FAM149B1: variants seen among roughly 807,000 people sequenced by gnomAD.
FAM149B1 encodes primary cilium assembly protein FAM149B1.
FAM149B1 carries 56 observed loss-of-function variants against 75.3 expected under a neutral mutation model. That is an observed-to-expected ratio of 0.74 (90% CI 0.60 to 0.93). The LOEUF is 0.93. Among genes scored for constraint, FAM149B1 ranks in the 40% least tolerant of loss-of-function variants. The probability of loss-of-function intolerance (pLI) is 0.00; values close to 1 mark genes in which losing one functional copy is unlikely to be tolerated. For missense variants in FAM149B1, 639 were observed against 708.4 expected, an observed-to-expected ratio of 0.90 and a Z score of 1.11; for synonymous variants, 259 against 256.1, an observed-to-expected ratio of 1.01 and a Z score of -0.11.
At chr10:73,230,603 A>C in intron 9 of FAM149B1, 78 bp downstream of exon 9, 1 of 811,386 alleles carries the variant, frequency 1.2e-6, no homozygotes, top group Non-Finnish European at 2.1e-6. Flanking sequence ...ATCAGTATGC[A>C]TGTATTGAGT....
At chr10:73,194,512 C>T (rs939901177) in intron 5 of FAM149B1, among the ~76,000 whole-genome samples, 13 of 151,814 alleles carry the variant, frequency 8.6e-5, no homozygotes, top group Non-Finnish European at 1.5e-4. Flanking sequence ...TCTGCCTCAG[C>T]CTCCCGAGTA....
At chr10:73,234,681 T>C in intron 10 of FAM149B1, 136 bp from the exon 11 acceptor site, 1 of 953,700 alleles carries the variant, frequency 1.0e-6, no homozygotes, top group Non-Finnish European at 1.5e-6. Flanking sequence ...AGATCTCTAC[T>C]TGAAAACATA....
In FAM149B1 at chr10:73,239,522, C is replaced by G; in HGVS notation, c.1675+138C>G. 1.6e-6 allele frequency: 1 copy of G among 631,492 alleles called. No individual in the cohort carries two copies. The highest frequency in any genetic ancestry group is 3.2e-5 in the Admixed American group (1 of 31,456). The allele number at this position is 631,492 out of a possible 1,614,324, so 39.1% of individuals were successfully genotyped here. ...GTTTTCCCACATCTTTGTAAATCAC[C>G]TAAAATTCATTTTGGAACATGGGGT... On this transcript the variant is annotated intron_variant, in intron 13 of 13. Coordinates refer to ENST00000242505, the MANE Select transcript of FAM149B1 (RefSeq NM_173348.2).
At chr10:73,223,556 AG>A (rs2043466871) in intron 7 of FAM149B1, among the ~76,000 whole-genome samples, 1 of 152,314 alleles carries the variant, frequency 6.6e-6, no homozygotes, top group East Asian at 1.9e-4. Flanking sequence ...GCTAGGTCAG[AG>A]GATATGCTAT....
intron 7 of FAM149B1, among the ~76,000 whole-genome samples, chr10:73,225,058 G>GTGA (rs2043506045): frequency 6.6e-6 from 1 of 152,190 alleles, no homozygotes; most frequent in African/African-American, 2.4e-5. Context: ...TGTGTTTGTG[G>GTGA]TGATGCTGGT....
In FAM149B1 at chr10:73,177,867, A is replaced by G. The variant is rs1378152492; in HGVS notation, c.174A>G (p.Glu58=). The G allele has an allele frequency of 6.4e-7, 1 of 1,551,694 alleles. No homozygotes were observed. Among genetic ancestry groups the G allele is most frequent in the East Asian group, 2.4e-5 (1 of 40,900 alleles). Residue 58 remains glutamate, a synonymous_variant, in exon 3 of 14, where the codon GAA becomes GAG. Coordinates refer to ENST00000242505, the MANE Select transcript of FAM149B1 (RefSeq NM_173348.2). The part of the protein sequence containing the change: ...SSQSKSDITR[E]SSFTSADTGN... ...TTAGCAAGTCTGACATCACAAGAGA[A>G]TCATCTTTTACATCAGCCGACACTG...
chr10:73,236,633 C>T (rs1022808035), intron 12 of FAM149B1, among the ~76,000 whole-genome samples: 3 of 151,698 alleles, frequency 2.0e-5, no homozygotes, highest in Admixed American at 6.6e-5. Flanking sequence ...AGGCTGGTCT[C>T]GAACTCCTGA....
Position 73,168,149 on chromosome 10 carries a change from C to A in FAM149B1, c.-191C>A, listed in dbSNP as rs1402750307. 1.7e-6 allele frequency: 1 copy of A among 599,818 alleles called. No homozygotes were observed. Among genetic ancestry groups the A allele is most frequent in the Non-Finnish European group, 2.9e-6 (1 of 347,180 alleles). The allele number at this position is 599,818 out of a possible 1,614,324, so 37.2% of individuals were successfully genotyped here. ...CGCCCCCGCGGCAAAGCAGGGAGGTCGGAGGACTGGAGAGGTGGGGACCCT... is the reference window on the plus strand; with the variant it reads ...CGCCCCCGCGGCAAAGCAGGGAGGTAGGAGGACTGGAGAGGTGGGGACCCT... On this transcript the variant is annotated 5_prime_UTR_variant, in exon 1 of 14. Coordinates refer to ENST00000242505, the MANE Select transcript of FAM149B1 (RefSeq NM_173348.2).
At chr10:73,209,355 A>G (rs534874858) in intron 6 of FAM149B1, among the ~76,000 whole-genome samples, 1 of 152,212 alleles carries the variant, frequency 6.6e-6, no homozygotes, top group African/African-American at 2.4e-5. Context: ...GGCTGAGGCC[A>G]GAGAATCGCT....
intron 5 of FAM149B1, among the ~76,000 whole-genome samples, chr10:73,207,437 G>A (rs559189810): frequency 6.6e-5 from 10 of 152,184 alleles, no homozygotes; most frequent in East Asian, 1.9e-4. Flanking sequence ...AGTGGTGCTC[G>A]CCTGTAATCC....
Position 73,240,930 on chromosome 10 carries a change from CTA to C in FAM149B1, c.1676-14_1676-13del. On this transcript the variant is annotated splice_polypyrimidine_tract_variant and intron_variant, in intron 13 of 13. Coordinates refer to ENST00000242505, the MANE Select transcript of FAM149B1 (RefSeq NM_173348.2). ...ACCTAGACTGTCTACTAATGTTACT[CTA>C]TGTCATCTGACAGGTCCTCAGTTAC... 1 of 1,461,846 alleles carries C rather than the reference CTA, an allele frequency of 6.8e-7. No individual in the cohort carries two copies. Among genetic ancestry groups the C allele is most frequent in the Non-Finnish European group, 9.3e-7 (1 of 1,070,000 alleles). The allele number at this position is 1,461,846 out of a possible 1,614,324, so 90.6% of individuals were successfully genotyped here.
At position 73,243,951 on chromosome 10, in the gene FAM149B1, G is replaced by A. The variant is rs772571747; in HGVS notation, c.*2932G>A. On this transcript the variant is annotated 3_prime_UTR_variant, in exon 14 of 14. Transcript: ENST00000242505. ...GAGCCTGAAACAGGAACTCACATGA[G>A]ACTCAGGGCCACCAGGAAATGCTTA... The A allele has an allele frequency of 1.3e-5, 21 of 1,596,874 alleles. No homozygotes were observed. The highest frequency in any genetic ancestry group is 8.6e-6 in the Non-Finnish European group (10 of 1,169,498).
intron 5 of FAM149B1, among the ~76,000 whole-genome samples, chr10:73,203,571 C>T (rs1023171869): frequency 6.6e-6 from 1 of 152,054 alleles, no homozygotes; most frequent in Non-Finnish European, 1.5e-5. Context: ...GGAACTCATC[C>T]CCAAATCCTC....
chr10:73,208,897 GTTAT>G (rs1342729667), intron 6 of FAM149B1, 111 bp downstream of exon 6: 18 of 659,854 alleles, frequency 2.7e-5, no homozygotes, highest in Middle Eastern at 3.9e-4. Context: ...GCCAGTTTCT[GTTAT>G]TTATTTTATG....
chr10:73,180,900 C>T (rs989703657), intron 3 of FAM149B1, among the ~76,000 whole-genome samples: 13 of 151,936 alleles, frequency 8.6e-5, no homozygotes, highest in Non-Finnish European at 1.2e-4. Flanking sequence ...CTCCCCAATC[C>T]TCACCCCCCC....
At chr10:73,184,695 T>C (rs1009518847) in intron 3 of FAM149B1, among the ~76,000 whole-genome samples, 1 of 152,056 alleles carries the variant, frequency 6.6e-6, no homozygotes, top group Non-Finnish European at 1.5e-5. Flanking sequence ...AAAAGGAATC[T>C]ATAAGGGAAA....
At chr10:73,203,166 C>T (rs1222068796) in intron 5 of FAM149B1, among the ~76,000 whole-genome samples, 2 of 152,092 alleles carry the variant, frequency 1.3e-5, no homozygotes, top group African/African-American at 4.8e-5. Flanking sequence ...ACATGATATT[C>T]GCTTTCCACG....
chr10:73,182,431 C>G (rs947657046), intron 3 of FAM149B1, among the ~76,000 whole-genome samples: 1 of 152,114 alleles, frequency 6.6e-6, no homozygotes, highest in Non-Finnish European at 1.5e-5. Flanking sequence ...AGGCTGGTCT[C>G]GAACTCCTGA....
intron 6 of FAM149B1, among the ~76,000 whole-genome samples, chr10:73,210,033 CT>C (rs2043153334): frequency 6.6e-6 from 1 of 152,210 alleles, no homozygotes; most frequent in Admixed American, 6.5e-5. Flanking sequence ...GAAGCAGATT[CT>C]TTTGGTTTTC....
Sources: gnomAD v4.1 joint callset for allele counts (sites outside exome capture counted in the v4.1 genomes callset) on GRCh38, gnomAD v4.1.1 for gene constraint, MANE v1.5 for transcripts, NCBI Gene and HGNC (gene_info 2026-07-23, HGNC 2026-07-21) for gene names.